The following TNKS2 variants were observed in gnomAD, a reference collection of about 807,000 sequenced individuals.
TNKS2 encodes the protein poly [ADP-ribose] polymerase tankyrase-2.
In TNKS2, 72 loss-of-function variants were observed where a neutral mutation model predicts 137.6. That is an observed-to-expected ratio of 0.52 (90% CI 0.43 to 0.64). The LOEUF (loss-of-function observed/expected upper bound fraction) is 0.64, where lower values mean the gene tolerates loss of function less well. TNKS2 is among the 30% of genes least tolerant of loss of function. TNKS2 has a pLI of 0.00. For synonymous variants in TNKS2, 516 were observed against 512.1 expected (o/e 1.01, Z -0.10); for missense variants, 1,049 against 1,410.2 (o/e 0.74, Z 4.10).
At chr10:91,857,352 C>A (rs962529816) in intron 23 of TNKS2, 73 bp from the exon 24 acceptor site, 6 of 967,286 alleles carry the variant, frequency 6.2e-6, no homozygotes, top group Non-Finnish European at 7.7e-6. Flanking sequence ...AATGTATGTC[C>A]CATGTTTGGT....
At chr10:91,833,734 G>T in intron 11 of TNKS2, 119 bp from the exon 12 acceptor site, 1 of 748,428 alleles carries the variant, frequency 1.3e-6, no homozygotes, top group Non-Finnish European at 1.9e-6. Flanking sequence ...CTTTGGCATT[G>T]GATAATAGGC....
At chr10:91,812,497 CT>C (rs1224910164) in intron 1 of TNKS2, among the ~76,000 whole-genome samples, 6 of 152,120 alleles carry the variant, frequency 3.9e-5, no homozygotes, top group African/African-American at 1.4e-4. Context: ...GTGAGCAGAT[CT>C]TTTTTTGTTG....
At chr10:91,851,047 T>C (rs929693631) in intron 20 of TNKS2, among the ~76,000 whole-genome samples, 169 bp from the exon 21 acceptor site, 3 of 152,252 alleles carry the variant, frequency 2.0e-5, no homozygotes, top group African/African-American at 7.2e-5. Flanking sequence ...CCTTTTTGTT[T>C]TGCGTTTTAG....
chr10:91,849,676 A>C, intron 20 of TNKS2, 82 bp downstream of exon 20: 1 of 1,085,014 alleles, frequency 9.2e-7, no homozygotes, highest in Non-Finnish European at 1.3e-6. Flanking sequence ...AATGAGCTGA[A>C]CCATGTAAGC....
chr10:91,818,571 G>A (rs1192455141), intron 3 of TNKS2, among the ~76,000 whole-genome samples: 1 of 151,946 alleles, frequency 6.6e-6, no homozygotes, highest in African/African-American at 2.4e-5. Flanking sequence ...TCACTCTGTC[G>A]CCCAGGCTGG....
chr10:91,827,674 T>C (rs1305537194), intron 8 of TNKS2, among the ~76,000 whole-genome samples: 1 of 152,206 alleles, frequency 6.6e-6, no homozygotes, highest in African/African-American at 2.4e-5. Flanking sequence ...AACCACCTAG[T>C]TTGGATATGG....
chr10:91,855,351 G>GTTTTT (rs1842674282), intron 22 of TNKS2, among the ~76,000 whole-genome samples: 1 of 151,510 alleles, frequency 6.6e-6, no homozygotes, highest in African/African-American at 2.4e-5. Context: ...TTTTGTTTTT[G>GTTTTT]TTTTTGTTTT....
chr10:91,826,571 G>C (rs1335171191), intron 7 of TNKS2, among the ~76,000 whole-genome samples: 1 of 152,112 alleles, frequency 6.6e-6, no homozygotes, highest in African/African-American at 2.4e-5. Context: ...TCTAATATGT[G>C]GCCAGAATCG....
chr10:91,824,247 A>G (rs956786397), intron 7 of TNKS2, among the ~76,000 whole-genome samples: 2 of 152,180 alleles, frequency 1.3e-5, no homozygotes, highest in Admixed American at 6.5e-5. Flanking sequence ...TGCTGAGTCA[A>G]TTGGCAACAC....
intron 2 of TNKS2, 122 bp from the exon 3 acceptor site, chr10:91,817,012 A>T (rs1372738723): frequency 1.7e-6 from 1 of 593,294 alleles, no homozygotes; most frequent in Non-Finnish European, 3.1e-6. Context: ...TTCTGACAAG[A>T]TATGAAAGGT....
intron 12 of TNKS2, 100 bp from the exon 13 acceptor site, chr10:91,836,819 T>C: frequency 6.8e-7 from 1 of 1,465,112 alleles, no homozygotes; most frequent in Non-Finnish European, 9.0e-7. Context: ...TCTACCAAAT[T>C]GTAAAAGAAC....
chr10:91,845,917 CA>C lies in TNKS2; in HGVS notation c.2338del (p.Thr780HisfsTer3). On this transcript the variant is annotated frameshift_variant, in exon 18 of 27. Transcript: ENST00000371627. LOFTEE classifies it high-confidence loss of function. ...ADPTLKNQEG[Q>X]TPLDLVSADD... ...CCCGACTCTTAAAAATCAGGAAGGA[CA>C]AACACCTTTAGATTTAGTTTCAGTA... 1 of 1,574,820 alleles carries C rather than the reference CA, an allele frequency of 6.3e-7. No homozygotes were observed. The highest frequency in any genetic ancestry group is 8.7e-7 in the Non-Finnish European group (1 of 1,152,418).
chr10:91,805,431 C>T (rs934874592), intron 1 of TNKS2, among the ~76,000 whole-genome samples: 2 of 152,178 alleles, frequency 1.3e-5, no homozygotes, highest in African/African-American at 4.8e-5. Flanking sequence ...TATCGATCGC[C>T]TCAGCTAAAA....
In TNKS2 at chr10:91,839,016, C is replaced by T. The variant is rs180907657; in HGVS notation, c.1528-1545C>T. 8.5e-5 allele frequency among the ~76,000 whole-genome samples: 13 copies of T among 152,182 alleles called. 2 individuals are homozygous for T. Among genetic ancestry groups the T allele is most frequent in the Admixed American group, 5.9e-4 (9 of 15,298 alleles). On this transcript the variant is annotated intron_variant, in intron 13 of 26. Transcript: ENST00000371627. ...CCGAGTAGCTGGCATTACAGGCGCC[C>T]GCCACCACGCCCAGATAATTTTTTG...
chr10:91,824,866 T>C (rs56193492), intron 7 of TNKS2, among the ~76,000 whole-genome samples: 3,755 of 152,246 alleles, frequency 0.025, 72 homozygotes, highest in South Asian at 0.056. Context: ...AGAAAATACT[T>C]TGGTGTTTAC....
At chr10:91,860,762 C>A in intron 25 of TNKS2, among the ~76,000 whole-genome samples, 1 of 152,092 alleles carries the variant, frequency 6.6e-6, no homozygotes, top group East Asian at 1.9e-4. Flanking sequence ...TACTGTTACC[C>A]CTCTAAATTT....
intron 6 of TNKS2, among the ~76,000 whole-genome samples, chr10:91,820,800 G>A (rs1044547189): frequency 1.3e-5 from 2 of 152,170 alleles, no homozygotes; most frequent in African/African-American, 4.8e-5. Context: ...CATAATAATG[G>A]TGGCAGAAGA....
rs757239643 is a variant in TNKS2, at chr10:91,844,961, A to G, written c.2102A>G (p.His701Arg). The change falls in exon 17 of 27, where the codon CAC becomes CGC. Residue 701 changes from histidine (H) to arginine (R), a missense_variant. By Grantham distance (29) the His-to-Arg change is conservative. Transcript: ENST00000371627. ...GAAGTTGCAGAGTATTTGTTACAAC[A>G]CGGAGCTGATGTGAATGCCCAAGAC... ...NLEVAEYLLQ[H>R]GADVNAQDKG... 16 of 1,613,618 alleles carry G rather than the reference A, an allele frequency of 9.9e-6. No individual in the cohort carries two copies. Among genetic ancestry groups the G allele is most frequent in the East Asian group, 4.5e-5 (2 of 44,836 alleles).
chr10:91,860,910 ATG>A (rs1376065498), intron 25 of TNKS2, among the ~76,000 whole-genome samples: 7 of 152,244 alleles, frequency 4.6e-5, no homozygotes, highest in African/African-American at 1.7e-4. Flanking sequence ...TTTGTCATAT[ATG>A]GTCTGAAGGC....
Sources: gnomAD v4.1 joint callset for allele counts (sites outside exome capture counted in the v4.1 genomes callset) on GRCh38, gnomAD v4.1.1 for gene constraint, MANE v1.5 for transcripts, NCBI Gene and HGNC (gene_info 2026-07-23, HGNC 2026-07-21) for gene names.